FSIP1: variants seen among roughly 807,000 people sequenced by gnomAD.
The protein encoded by FSIP1 is fibrous sheath-interacting protein 1.
FSIP1 carries 65 observed loss-of-function variants against 60.9 expected under a neutral mutation model. The observed-to-expected ratio is 1.07, with a 90% CI of 0.87 to 1.31. The LOEUF (loss-of-function observed/expected upper bound fraction) is 1.31, where lower values mean the gene tolerates loss of function less well. Among genes scored for constraint, FSIP1 ranks in the 40% most tolerant of loss-of-function variants. FSIP1 has a pLI of 0.00. For missense variants in FSIP1, 675 were observed against 665.5 expected, an observed-to-expected ratio of 1.01 and a Z score of -0.16; for synonymous variants, 209 against 221.2, an observed-to-expected ratio of 0.94 and a Z score of 0.49.
At chr15:39,697,619 C>A (rs1484446552) in intron 10 of FSIP1, among the ~76,000 whole-genome samples, 3 of 152,136 alleles carry the variant, frequency 2.0e-5, no homozygotes, top group African/African-American at 7.2e-5. Context: ...GCTCGTCACT[C>A]CCAAGTTAAG....
chr15:39,753,896 A>G (rs1443188560), intron 5 of FSIP1, among the ~76,000 whole-genome samples: 1 of 152,084 alleles, frequency 6.6e-6, no homozygotes, highest in Admixed American at 6.6e-5. Flanking sequence ...CTTTATAAAT[A>G]TGATGGGCTA....
rs377666085 is a variant in FSIP1, at chr15:39,629,459, G to A, written c.1189-11214C>T. 1.7e-4 allele frequency among the ~76,000 whole-genome samples: 26 copies of A among 152,246 alleles called. No homozygotes were observed. The East Asian group carries it at 4.2e-3, about 25-fold the overall frequency. ...GGGCACCAGGTGAGTCTCTTCAAGC[G>A]CAGGGCTGAAGCTAAGCCAGGTTCA... On this transcript the variant is annotated intron_variant, in intron 10 of 11. Transcript: ENST00000350221.
intron 9 of FSIP1, among the ~76,000 whole-genome samples, chr15:39,717,597 G>A (rs1895790550): frequency 6.6e-6 from 1 of 152,166 alleles, no homozygotes; most frequent in Non-Finnish European, 1.5e-5. Context: ...CCTTTTCAAT[G>A]GGAGTGTTTG....
At chr15:39,734,862 A>C (rs1316458609) in intron 8 of FSIP1, among the ~76,000 whole-genome samples, 1 of 152,164 alleles carries the variant, frequency 6.6e-6, no homozygotes, top group African/African-American at 2.4e-5. Context: ...CACAAAAGCA[A>C]CAGCAAAAGC....
chr15:39,638,596 A>G (rs1251523873), intron 10 of FSIP1, among the ~76,000 whole-genome samples: 1 of 152,212 alleles, frequency 6.6e-6, no homozygotes, highest in African/African-American at 2.4e-5. Context: ...ATTTTAATTT[A>G]TCCATTTGTT....
At chr15:39,692,028 T>G (rs1444345559) in intron 10 of FSIP1, among the ~76,000 whole-genome samples, 2 of 151,342 alleles carry the variant, frequency 1.3e-5, no homozygotes, top group African/African-American at 2.4e-5. Flanking sequence ...TCTCTTTAAG[T>G]GCTGCAAAAG....
At chr15:39,719,674 G>A (rs1895879414) in intron 9 of FSIP1, among the ~76,000 whole-genome samples, 1 of 152,162 alleles carries the variant, frequency 6.6e-6, no homozygotes, top group South Asian at 2.1e-4. Flanking sequence ...ATTTCTGTAG[G>A]TTCCTGCTAT....
intron 11 of FSIP1, among the ~76,000 whole-genome samples, chr15:39,607,826 C>A (rs2140365831): frequency 6.6e-6 from 1 of 152,320 alleles, no homozygotes; most frequent in East Asian, 1.9e-4. Flanking sequence ...TTCTTATTTT[C>A]TTCCTGTCTG....
intron 5 of FSIP1, among the ~76,000 whole-genome samples, chr15:39,746,550 T>C (rs1387164445): frequency 2.0e-5 from 3 of 152,144 alleles, no homozygotes; most frequent in Non-Finnish European, 4.4e-5. Flanking sequence ...ACCTTTTTGC[T>C]CTGTTGGTAA....
chr15:39,713,293 G>A, intron 10 of FSIP1, 151 bp downstream of exon 10: 1 of 542,896 alleles, frequency 1.8e-6, no homozygotes, highest in South Asian at 3.2e-5. Context: ...ATGGACGGGT[G>A]CGGTGGCCCA....
chr15:39,719,094 G>T (rs1174286966), intron 9 of FSIP1, among the ~76,000 whole-genome samples: 1 of 152,184 alleles, frequency 6.6e-6, no homozygotes, highest in Admixed American at 6.5e-5. Flanking sequence ...GAAAAATACT[G>T]TATGATGAAA....
chr15:39,648,643 C>T (rs932408536), intron 10 of FSIP1, among the ~76,000 whole-genome samples: 1 of 152,142 alleles, frequency 6.6e-6, no homozygotes, highest in Non-Finnish European at 1.5e-5. Context: ...AAATAAGATA[C>T]TAACATTGGT....
At chr15:39,705,131 A>C (rs954713288) in intron 10 of FSIP1, among the ~76,000 whole-genome samples, 3 of 152,234 alleles carry the variant, frequency 2.0e-5, no homozygotes, top group African/African-American at 7.2e-5. Context: ...TTTCCTAACA[A>C]TACTAATAAA....
At chr15:39,625,620 A>G (rs1231645369) in intron 10 of FSIP1, among the ~76,000 whole-genome samples, 1 of 152,170 alleles carries the variant, frequency 6.6e-6, no homozygotes, top group Admixed American at 6.5e-5. Context: ...CTTTGTTCTG[A>G]GCAAGTCGCC....
In FSIP1 at chr15:39,726,605, T is replaced by C; in HGVS notation, c.1034A>G (p.Glu345Gly). 2 of 1,614,078 alleles carry C rather than the reference T, an allele frequency of 1.2e-6. No homozygotes were observed. Among genetic ancestry groups the C allele is most frequent in the Non-Finnish European group, 1.7e-6 (2 of 1,179,960 alleles). Residue 345 changes from glutamate to glycine, a missense_variant, in exon 9 of 12, where the codon GAA becomes GGA. Glu to Gly is a moderately conservative substitution (Grantham distance 98). Coordinates refer to ENST00000350221, the MANE Select transcript of FSIP1 (RefSeq NM_152597.5). ...PTISSFSPRL[E>G]NRNNQKPDRD... ...TTCAAATACCTGATTATTCCGATTT[T>C]CAAGTCTTGGAGAAAAACTGGAAAT...
chr15:39,705,818 C>G (rs1895241192), intron 10 of FSIP1, among the ~76,000 whole-genome samples: 1 of 151,846 alleles, frequency 6.6e-6, no homozygotes, highest in African/African-American at 2.4e-5. Context: ...GCCAACATGG[C>G]AAAACCCCAT....
chr15:39,676,899 AGT>A (rs1893965430), intron 10 of FSIP1, among the ~76,000 whole-genome samples: 1 of 152,224 alleles, frequency 6.6e-6, no homozygotes, highest in Non-Finnish European at 1.5e-5. Context: ...GCATAAAATT[AGT>A]GTCTTTTCTG....
intron 10 of FSIP1, 75 bp from the exon 11 acceptor site, chr15:39,618,320 A>G (rs904091176): frequency 3.7e-5 from 43 of 1,170,208 alleles, no homozygotes; most frequent in Middle Eastern, 6.0e-4. Flanking sequence ...GCATCCAGTA[A>G]TACAAATATA....
chr15:39,736,801 C>T (rs554649365), intron 8 of FSIP1, among the ~76,000 whole-genome samples: 1 of 152,320 alleles, frequency 6.6e-6, no homozygotes, highest in South Asian at 2.1e-4. Context: ...GGGCACAGGG[C>T]CAAGCGAGGA....
Sources: allele counts gnomAD v4.1 joint callset (sites outside exome capture counted in the v4.1 genomes callset), GRCh38; gene constraint gnomAD v4.1.1; transcripts MANE v1.5; gene names NCBI Gene and HGNC (gene_info 2026-07-23, HGNC 2026-07-21).